The following ITPR1 variants were observed in gnomAD, a reference collection of about 807,000 sequenced individuals.
ITPR1 encodes the protein inositol 1,4,5-trisphosphate receptor type 1, also known as inositol 1,4,5-trisphosphate-gated calcium channel ITPR1.
In ITPR1, 96 loss-of-function variants were observed where a neutral mutation model predicts 318.4. That is an observed-to-expected ratio of 0.30 (90% CI 0.26 to 0.36). The LOEUF is 0.36. ITPR1 is among the 10% of genes least tolerant of loss of function. ITPR1 has a pLI of 1.00. For missense variants in ITPR1, 2,440 were observed against 3,460.2 expected (o/e 0.71, Z 7.40); for synonymous variants, 1,312 against 1,289.9 (o/e 1.02, Z -0.37).
intron 31 of ITPR1, 78 bp from the exon 32 acceptor site, chr3:4,691,066 C>G: frequency 1.0e-6 from 1 of 956,832 alleles, no homozygotes. Flanking sequence ...TCAGTGGACT[C>G]TTCTTTTTCT....
intron 1 of ITPR1, 36 bp downstream of exon 1, chr3:4,493,641 T>C (rs1025640496): frequency 6.6e-6 from 1 of 152,202 alleles, no homozygotes; most frequent in Non-Finnish European, 1.5e-5. Context: ...CGCGGGGAGT[T>C]GGCACTGGCT....
At chr3:4,644,762 A>C (rs2093417568) in intron 8 of ITPR1, among the ~76,000 whole-genome samples, 1 of 152,186 alleles carries the variant, frequency 6.6e-6, no homozygotes, top group Non-Finnish European at 1.5e-5. Context: ...CTTCAGTGGG[A>C]TAGATGTGGG....
intron 40 of ITPR1, among the ~76,000 whole-genome samples, chr3:4,723,144 T>C (rs141072314): frequency 7.2e-5 from 11 of 152,274 alleles, no homozygotes; most frequent in African/African-American, 2.2e-4. Flanking sequence ...CAAGACTCCA[T>C]CACAAAAACA....
chr3:4,524,367 G>A (rs1229727811), intron 4 of ITPR1, among the ~76,000 whole-genome samples: 2 of 130,608 alleles, frequency 1.5e-5, no homozygotes, highest in African/African-American at 5.8e-5. Flanking sequence ...AGCAATTGCT[G>A]CGTTTCCAAA....
chr3:4,594,965 G>C (rs191962320), intron 4 of ITPR1, among the ~76,000 whole-genome samples: 1 of 152,050 alleles, frequency 6.6e-6, no homozygotes, highest in Non-Finnish European at 1.5e-5. Context: ...ATAGGTTCTG[G>C]ATTTAGACCT....
At chr3:4,788,256 C>G (rs2047330846) in intron 52 of ITPR1, 117 bp downstream of exon 52, 1 of 816,666 alleles carries the variant, frequency 1.2e-6, no homozygotes, top group South Asian at 1.9e-5. Context: ...ATTTATGATA[C>G]TTTGCACCTC....
At chr3:4,718,378 C>G (rs1446014673) in intron 40 of ITPR1, among the ~76,000 whole-genome samples, 1 of 152,112 alleles carries the variant, frequency 6.6e-6, no homozygotes, top group Non-Finnish European at 1.5e-5. Context: ...ATAGAGCTAC[C>G]AAATAGAACA....
intron 4 of ITPR1, among the ~76,000 whole-genome samples, chr3:4,620,303 G>T (rs572814284): frequency 6.6e-6 from 1 of 152,258 alleles, no homozygotes; most frequent in East Asian, 1.9e-4. Flanking sequence ...AGCCTCAATG[G>T]TCCATTTTCT....
At chr3:4,610,596 C>T (rs2092009597) in intron 4 of ITPR1, among the ~76,000 whole-genome samples, 1 of 152,062 alleles carries the variant, frequency 6.6e-6, no homozygotes, top group Non-Finnish European at 1.5e-5. Flanking sequence ...CAGCGGAATG[C>T]ACAGGGAAAT....
At chr3:4,568,109 G>A (rs2087565677) in intron 4 of ITPR1, among the ~76,000 whole-genome samples, 2 of 152,200 alleles carry the variant, frequency 1.3e-5, no homozygotes, top group Non-Finnish European at 2.9e-5. Context: ...AGGAGATTAA[G>A]AGTCTGTGAT....
intron 53 of ITPR1, 25 bp downstream of exon 53, chr3:4,795,212 A>T (rs572727889): frequency 6.2e-7 from 1 of 1,607,694 alleles, no homozygotes. Context: ...AACTTCAAAA[A>T]TCCTATTAGA....
chr3:4,734,207 G>T (rs190298904), intron 43 of ITPR1, among the ~76,000 whole-genome samples: 4 of 152,302 alleles, frequency 2.6e-5, no homozygotes, highest in Non-Finnish European at 5.9e-5. Context: ...AAAAATCAAT[G>T]CAGAGGTTCT....
rs538021274 is a variant in ITPR1 at position 4,519,324 on chromosome 3, T to A, written c.93-1700T>A. On this transcript the variant is annotated intron_variant, in intron 3 of 61. Transcript: ENST00000649015. ...TCACTGCACCCTCCACCTCCTGGGT[T>A]CAAGCAATTCATCTGCCTCAGCCTC... 9.2e-5 allele frequency among the ~76,000 whole-genome samples: 14 copies of A among 152,312 alleles called. No individual in the cohort carries two copies. The South Asian group carries it at 2.9e-3, about 32-fold the overall frequency.
At chr3:4,684,220 A>G (rs1171017327) in intron 28 of ITPR1, 61 bp from the exon 29 acceptor site, 17 of 1,119,478 alleles carry the variant, frequency 1.5e-5, no homozygotes, top group Non-Finnish European at 2.0e-5. Context: ...TGCTAACTGT[A>G]AAAAACTGAC....
intron 2 of ITPR1, among the ~76,000 whole-genome samples, chr3:4,498,679 T>C (rs767098035): frequency 1.3e-5 from 2 of 152,226 alleles, no homozygotes; most frequent in Non-Finnish European, 2.9e-5. Flanking sequence ...GTCTGGTTAA[T>C]GACAGGACTT....
At chr3:4,613,114 A>G (rs1316750271) in intron 4 of ITPR1, among the ~76,000 whole-genome samples, 2 of 152,206 alleles carry the variant, frequency 1.3e-5, no homozygotes, top group Non-Finnish European at 2.9e-5. Context: ...ACATTAATCA[A>G]TATGTGTAAG....
chr3:4,497,602 G>A (rs981237747), intron 2 of ITPR1, among the ~76,000 whole-genome samples: 2 of 152,216 alleles, frequency 1.3e-5, no homozygotes, highest in African/African-American at 4.8e-5. Flanking sequence ...CTTGTGCATT[G>A]CCGGTGGGAA....
chr3:4,669,644 T>A lies in ITPR1; in HGVS notation c.1887-10T>A, dbSNP rs1559653938. Reference sequence around the variant, plus strand: ...TCTACAGAAAATGTTTTGTTTCTGTTTCTGTTTAGATTCTTAGATTACCTC... The same window carrying A: ...TCTACAGAAAATGTTTTGTTTCTGTATCTGTTTAGATTCTTAGATTACCTC... On this transcript the variant is annotated splice_polypyrimidine_tract_variant and intron_variant, in intron 18 of 61. Coordinates refer to ENST00000649015, the MANE Select transcript of ITPR1 (RefSeq NM_001378452.1). 6.2e-7 allele frequency: 1 copy of A among 1,608,448 alleles called. No homozygotes were observed. Among genetic ancestry groups the A allele is most frequent in the Non-Finnish European group, 8.5e-7 (1 of 1,176,684 alleles).
chr3:4,824,195 G>A (rs1398905754), intron 60 of ITPR1, among the ~76,000 whole-genome samples: 2 of 152,216 alleles, frequency 1.3e-5, no homozygotes, highest in East Asian at 1.9e-4. Flanking sequence ...TTCTGGAGGA[G>A]CAGTCTGTGC....
Sources: allele counts gnomAD v4.1 joint callset (sites outside exome capture counted in the v4.1 genomes callset), GRCh38; gene constraint gnomAD v4.1.1; transcripts MANE v1.5; gene names NCBI Gene and HGNC (gene_info 2026-07-23, HGNC 2026-07-21).